The following DUSP1 variants were observed in gnomAD, a reference collection of about 807,000 sequenced individuals.
DUSP1 encodes the protein dual specificity protein phosphatase 1.
In DUSP1, 10 loss-of-function variants were observed where a neutral mutation model predicts 27.4. That is an observed-to-expected ratio of 0.37 (90% CI 0.23 to 0.62). The LOEUF is 0.62. DUSP1 is among the 20% of genes least tolerant of loss of function. The pLI is 0.68. For missense variants in DUSP1, 425 were observed against 508.1 expected (o/e 0.84, Z 1.57); for synonymous variants, 262 against 223.6 (o/e 1.17, Z -1.53).
At position 172,768,789 on chromosome 5, in the gene DUSP1, G is replaced by C; in HGVS notation, c.1077C>G (p.Ser359Arg). 6.5e-7 allele frequency: 1 copy of C among 1,529,376 alleles called. No individual in the cohort carries two copies. Among genetic ancestry groups the C allele is most frequent in the Non-Finnish European group, 8.8e-7 (1 of 1,136,568 alleles). 94.7% of individuals were successfully genotyped at this position (1,529,376 alleles called of 1,614,324 possible). Reference protein sequence around the residue: ...STNSALSYLQSPITTSPSC With the variant: ...STNSALSYLQRPITTSPSC ...AGCAGCTGGGAGAGGTCGTAATGGGGCTCTGAAGGTAGCTCAGCGCACTGT... is the reference window on the plus strand; with the variant it reads ...AGCAGCTGGGAGAGGTCGTAATGGGCCTCTGAAGGTAGCTCAGCGCACTGT... Residue 359 changes from serine to arginine, a missense_variant, in exon 4 of 4, where the codon AGC (serine) becomes AGG (arginine). Physicochemically the swap from Ser to Arg is moderately radical, Grantham distance 110. Transcript: ENST00000239223.
rs747377968 is a variant in DUSP1, at chr5:172,769,579, G to A, written c.729C>T (p.Phe243=). The A allele has an allele frequency of 7.4e-6, 12 of 1,614,058 alleles. No individual in the cohort carries two copies. Among genetic ancestry groups the A allele is most frequent in the Non-Finnish European group, 9.3e-6 (11 of 1,180,012 alleles). The change falls in exon 3 of 4, where the codon TTC becomes TTT. Residue 243 remains phenylalanine (F), a synonymous_variant. Coordinates refer to ENST00000239223, the MANE Select transcript of DUSP1 (RefSeq NM_004417.4). ...ISSWFNEAID[F]IDSIKNAGGR... ...CCAGGCATCCATTCCATTTACCTAT[G>A]AAGTCAATGGCCTCGTTGAACCAGG...
In DUSP1 at chr5:172,769,107, C is replaced by A; in HGVS notation, c.759G>T (p.Arg253Ser). 6.2e-7 allele frequency: 1 copy of A among 1,611,074 alleles called. No homozygotes were observed. Among genetic ancestry groups the A allele is most frequent in the Non-Finnish European group, 8.5e-7 (1 of 1,179,620 alleles). Residue 253 changes from arginine to serine, a missense_variant, in exon 4 of 4, where the codon AGG becomes AGT. Arg to Ser is a moderately radical substitution (Grantham distance 110). This residue lies in a region of DUSP1 where 59 missense variants were observed against 108.4 expected (regional missense o/e 0.54). Transcript: ENST00000239223. ...TGCCTGCCTGGCAGTGGACAAACAC[C>A]CTTCCTCCAGCATTCTTGATGGAGT... is the stretch of plus-strand genomic sequence containing the variant. The part of the protein sequence containing the change: ...FIDSIKNAGG[R>S]VFVHCQAGIS...
Position 172,770,640 on chromosome 5 carries a change from C to T in DUSP1, c.313G>A (p.Ala105Thr), listed in dbSNP as rs1759874510. ...GAKRDGTLAL[A>T]AGALCREARA... ...GCCTCGCGGCAGAGCGCGCCGGCCGCCAGGGCCAGGGTGCCGTCGCGCTTG... is the reference window on the plus strand; with the variant it reads ...GCCTCGCGGCAGAGCGCGCCGGCCGTCAGGGCCAGGGTGCCGTCGCGCTTG... The change falls in exon 1 of 4, where the codon GCG (alanine) becomes ACG (threonine). Residue 105 changes from alanine to threonine, a missense_variant. Ala to Thr is a moderately conservative substitution (Grantham distance 58, BLOSUM62 0). This residue lies in a region of DUSP1 where 282 missense variants were observed against 319.3 expected (regional missense o/e 0.88). Transcript: ENST00000239223. The T allele has an allele frequency of 2.3e-6, 3 of 1,301,948 alleles. No individual in the cohort carries two copies. Among genetic ancestry groups the T allele is most frequent in the Admixed American group, 4.0e-5 (1 of 25,144 alleles). 80.6% of individuals were successfully genotyped at this position (1,301,948 alleles called of 1,614,324 possible). A position where few individuals can be genotyped will look rare whatever the true frequency, so the allele number is the denominator to read the frequency against.
At position 172,769,623 on chromosome 5, in the gene DUSP1, G is replaced by T; in HGVS notation, c.685C>A (p.His229Asn). Residue 229 changes from histidine to asparagine, a missense_variant, in exon 3 of 4, where the codon CAC (histidine) becomes AAC (asparagine). Physicochemically the swap from His to Asn is moderately conservative, Grantham distance 68 (BLOSUM62 1). Coordinates refer to ENST00000239223, the MANE Select transcript of DUSP1 (RefSeq NM_004417.4). The part of the protein sequence containing the change: ...QYKSIPVEDN[H>N]KADISSWFNE... The stretch of plus-strand genomic sequence containing the variant: ...AACCAGGAGCTGATGTCTGCCTTGT[G>T]GTTGTCCTCCACAGGGATGCTCTTG... The T allele has an allele frequency of 6.2e-7, 1 of 1,614,242 alleles. No homozygotes were observed. Among genetic ancestry groups the T allele is most frequent in the Non-Finnish European group, 8.5e-7 (1 of 1,180,030 alleles).
At chr5:172,769,552 C>A (rs757469423) in intron 3 of DUSP1, 23 bp downstream of exon 3, 2 of 1,613,096 alleles carry the variant, frequency 1.2e-6, no homozygotes, top group South Asian at 2.2e-5. Context: ...GGCAGAAAAG[C>A]CCCAGGCATC....
chr5:172,770,929 C>A lies in DUSP1; in HGVS notation c.24G>T (p.Leu8=). ...GCAGCGCCCGCAGGCCTCCAGCGTCCAGGGTGCCCACTTCCATGACCATGG... is the reference window on the plus strand; with the variant it reads ...GCAGCGCCCGCAGGCCTCCAGCGTCAAGGGTGCCCACTTCCATGACCATGG... MVMEVGT[L]DAGGLRALLG... is the part of the protein sequence containing the mutation. Residue 8 remains leucine, a synonymous_variant, in exon 1 of 4, where the codon CTG becomes CTT. Transcript: ENST00000239223. The A allele has an allele frequency of 6.5e-7, 1 of 1,538,844 alleles. No individual in the cohort carries two copies. Among genetic ancestry groups the A allele is most frequent in the South Asian group, 1.2e-5 (1 of 83,072 alleles).
rs1759876066 is a variant in DUSP1, at chr5:172,770,671, G to A, written c.282C>T (p.Asp94=). The A allele has an allele frequency of 5.2e-6, 7 of 1,339,374 alleles. No individual in the cohort carries two copies. Among genetic ancestry groups the A allele is most frequent in the Non-Finnish European group, 6.7e-6 (7 of 1,050,318 alleles). 83.0% of individuals were successfully genotyped at this position (1,339,374 alleles called of 1,614,324 possible). Residue 94 remains aspartate, a synonymous_variant, in exon 1 of 4, where the codon GAC becomes GAT. Transcript: ENST00000239223. ...CCAGGGTGCCGTCGCGCTTGGCGCC[G>A]TCCAGGGCGGCGCTGCGCTCGTCCA... ...VLLDERSAAL[D]GAKRDGTLAL... is the part of the protein sequence containing the mutation.
Position 172,770,763 on chromosome 5 carries a change from G to C in DUSP1, c.190C>G (p.His64Asp). 1 of 1,484,374 alleles carries C rather than the reference G, an allele frequency of 6.7e-7. No homozygotes were observed. The highest frequency in any genetic ancestry group is 8.9e-7 in the Non-Finnish European group (1 of 1,122,270). The allele number at this position is 1,484,374 out of a possible 1,614,324, so 92.0% of individuals were successfully genotyped here. ...RRAKGAMGLEHIVPNAELRGR... is the reference protein window; with the variant it reads ...RRAKGAMGLEDIVPNAELRGR... ...CGGAGCTCGGCGTTGGGCACGATGTGCTCCAGGCCCATGGCGCCCTTGGCC... is the reference window on the plus strand; with the variant it reads ...CGGAGCTCGGCGTTGGGCACGATGTCCTCCAGGCCCATGGCGCCCTTGGCC... Residue 64 changes from histidine to aspartate, a missense_variant, in exon 1 of 4, where the codon CAC (histidine) becomes GAC (aspartate). By Grantham distance (81) the His-to-Asp change is moderately conservative. Around this residue, in one of 3 missense-constraint regions of DUSP1, gnomAD observed 282 missense variants for 319.3 expected, o/e 0.88. Transcript: ENST00000239223.
In DUSP1 at chr5:172,770,611, G is replaced by A. The variant is rs759155703; in HGVS notation, c.342C>T (p.Arg114=). Reference sequence around the variant, plus strand: ...CTTTGAGGAAGAAGACTTGCGCGGCGCGCGCCTCGCGGCAGAGCGCGCCGG... The same window carrying A: ...CTTTGAGGAAGAAGACTTGCGCGGCACGCGCCTCGCGGCAGAGCGCGCCGG... ...LAAGALCREA[R]AAQVFFLKGG... Residue 114 remains arginine (R), a synonymous_variant, in exon 1 of 4, where the codon CGC becomes CGT. Transcript: ENST00000239223. The A allele has an allele frequency of 7.4e-7, 1 of 1,345,008 alleles. No individual in the cohort carries two copies. Among genetic ancestry groups the A allele is most frequent in the Non-Finnish European group, 9.5e-7 (1 of 1,054,950 alleles). 83.3% of individuals were successfully genotyped at this position (1,345,008 alleles called of 1,614,324 possible). A position where few individuals can be genotyped will look rare whatever the true frequency, so the allele number is the denominator to read the frequency against.
chr5:172,770,213 G>A lies in DUSP1; in HGVS notation c.461C>T (p.Pro154Leu). The A allele has an allele frequency of 6.2e-7, 1 of 1,604,982 alleles. No homozygotes were observed. Among genetic ancestry groups the A allele is most frequent in the South Asian group, 1.1e-5 (1 of 89,726 alleles). Residue 154 changes from proline (P) to leucine (L), a missense_variant, in exon 2 of 4, where the codon CCT becomes CTT. Pro to Leu is a moderately conservative substitution (Grantham distance 98, BLOSUM62 -3). Around this residue, in one of 3 missense-constraint regions of DUSP1, gnomAD observed 282 missense variants for 319.3 expected, o/e 0.88. Transcript: ENST00000239223. Reference sequence around the variant, plus strand: ...ACTGCACCCAGATTCCGCGCTGTCAGGGACGCTAGTACTCAGGGGAAGGCT... The same window carrying A: ...ACTGCACCCAGATTCCGCGCTGTCAAGGACGCTAGTACTCAGGGGAAGGCT... ...GLSLPLSTSVPDSAESGCSSC... is the reference protein window; with the variant it reads ...GLSLPLSTSVLDSAESGCSSC...
At chr5:172,770,044 C>A in intron 2 of DUSP1, 117 bp downstream of exon 2, 1 of 1,414,668 alleles carries the variant, frequency 7.1e-7, no homozygotes, top group Non-Finnish European at 9.5e-7. Context: ...AATCATATCC[C>A]TGTGTCCCCT....
chr5:172,769,513 G>A, intron 3 of DUSP1, 62 bp downstream of exon 3: 5 of 1,570,412 alleles, frequency 3.2e-6, no homozygotes, highest in South Asian at 2.2e-5. Context: ...CACAGAGGTT[G>A]GGCTTAGTGG....
Position 172,769,038 on chromosome 5 carries a change from A to C in DUSP1, c.828T>G (p.Thr276=). 6.2e-7 allele frequency: 1 copy of C among 1,614,222 alleles called. No homozygotes were observed. The highest frequency in any genetic ancestry group is 8.5e-7 in the Non-Finnish European group (1 of 1,180,044). ...ATICLAYLMR[T]NRVKLDEAFE... is the part of the protein sequence containing the mutation. ...AGGCCTCGTCCAGCTTGACTCGATT[A>C]GTCCTCATAAGGTAAGCAAGGCAGA... The change falls in exon 4 of 4, where the codon ACT becomes ACG. Residue 276 remains threonine (T), a synonymous_variant. Coordinates refer to ENST00000239223, the MANE Select transcript of DUSP1 (RefSeq NM_004417.4).
intron 2 of DUSP1, 96 bp from the exon 3 acceptor site, chr5:172,769,890 A>G: frequency 7.2e-7 from 1 of 1,398,470 alleles, no homozygotes; most frequent in Admixed American, 2.0e-5. Context: ...AGTCAATTTC[A>G]GATACCGAGT....
At position 172,769,682 on chromosome 5, in the gene DUSP1, T is replaced by C; in HGVS notation, c.626A>G (p.Asn209Ser). The change falls in exon 3 of 4, where the codon AAT (asparagine) becomes AGT (serine). Residue 209 changes from asparagine (N) to serine (S), a missense_variant. Physicochemically the swap from Asn to Ser is conservative, Grantham distance 46 (BLOSUM62 1). This residue lies in a region of DUSP1 where 282 missense variants were observed against 319.3 expected (regional missense o/e 0.88). Transcript: ENST00000239223. ...GTGACCCTCAAAATGGTTGGGACAA[T>C]TGGCTGAGACGTTGATCAAGGCAGT... is the stretch of plus-strand genomic sequence containing the variant. The part of the protein sequence containing the change: ...GITALINVSA[N>S]CPNHFEGHYQ... 3 of 1,614,248 alleles carry C rather than the reference T, an allele frequency of 1.9e-6. No individual in the cohort carries two copies. Among genetic ancestry groups the C allele is most frequent in the African/African-American group, 2.7e-5 (2 of 75,064 alleles).
intron 3 of DUSP1, 98 bp downstream of exon 3, chr5:172,769,477 A>C (rs998686199): frequency 2.3e-5 from 30 of 1,296,530 alleles, no homozygotes; most frequent in African/African-American, 4.4e-5. Context: ...GTGTGGAAGA[A>C]GGCTCAGAAA....
chr5:172,768,632 A>G lies in DUSP1; in HGVS notation c.*130T>C. On this transcript the variant is annotated 3_prime_UTR_variant, in exon 4 of 4. Coordinates refer to ENST00000239223, the MANE Select transcript of DUSP1 (RefSeq NM_004417.4). Reference sequence around the variant, plus strand: ...CATCACCATAACTGCTTAGAAACCCAGAGGAACTCGGGTGAAGTTAAATAA... The same window carrying G: ...CATCACCATAACTGCTTAGAAACCCGGAGGAACTCGGGTGAAGTTAAATAA... The G allele has an allele frequency of 7.9e-7, 1 of 1,269,044 alleles. No individual in the cohort carries two copies. The highest frequency in any genetic ancestry group is 1.0e-6 in the Non-Finnish European group (1 of 973,134). The allele number at this position is 1,269,044 out of a possible 1,614,324, so 78.6% of individuals were successfully genotyped here.
Position 172,768,598 on chromosome 5 carries a change from A to G in DUSP1, c.*164T>C, listed in dbSNP as rs1759827367. 2.1e-6 allele frequency: 2 copies of G among 960,802 alleles called. No homozygotes were observed. Among genetic ancestry groups the G allele is most frequent in the Non-Finnish European group, 2.8e-6 (2 of 717,842 alleles). 59.5% of individuals were successfully genotyped at this position (960,802 alleles called of 1,614,324 possible). On this transcript the variant is annotated 3_prime_UTR_variant, in exon 4 of 4. Coordinates refer to ENST00000239223, the MANE Select transcript of DUSP1 (RefSeq NM_004417.4). ...TGTGCTGAGTTCAGCAAATGTCTTG[A>G]CGCTAAGTCATCACCATAACTGCTT...
chr5:172,769,916 G>T, intron 2 of DUSP1, 122 bp from the exon 3 acceptor site: 2 of 1,266,252 alleles, frequency 1.6e-6, no homozygotes, highest in Non-Finnish European at 2.2e-6. Context: ...CAGTTCTGTT[G>T]CTGGAGGATA....
Sources: gnomAD v4.1 joint callset for allele counts on GRCh38, gnomAD v4.1.1 for gene constraint, gnomAD v4.1.1 regional missense constraint, MANE v1.5 for transcripts, NCBI Gene and HGNC (gene_info 2026-07-23, HGNC 2026-07-21) for gene names.